The following ANP32A variants were observed in gnomAD, a reference collection of about 807,000 sequenced individuals.
The protein encoded by ANP32A is acidic nuclear phosphoprotein 32 family member A, also known as acidic leucine-rich nuclear phosphoprotein 32 family member A.
In ANP32A, 1 loss-of-function variant was observed where a neutral mutation model predicts 33.9. That is an observed-to-expected ratio of 0.03 (90% CI 0.01 to 0.14). The LOEUF is 0.14. Among genes scored for constraint, ANP32A ranks in the 10% least tolerant of loss-of-function variants. The pLI is 1.00. For missense variants in ANP32A, 155 were observed against 306.0 expected, an observed-to-expected ratio of 0.51 and a Z score of 3.68; for synonymous variants, 115 against 120.5, an observed-to-expected ratio of 0.95 and a Z score of 0.30.
intron 5 of ANP32A, among the ~76,000 whole-genome samples, chr15:68,781,987 G>A (rs776998241): frequency 3.3e-5 from 5 of 152,210 alleles, no homozygotes; most frequent in African/African-American, 7.2e-5. Flanking sequence ...GAGTGAGTCC[G>A]TGTGGCAAGC....
At chr15:68,800,263 C>T (rs1169953097) in intron 1 of ANP32A, among the ~76,000 whole-genome samples, 1 of 152,078 alleles carries the variant, frequency 6.6e-6, no homozygotes, top group Non-Finnish European at 1.5e-5. Flanking sequence ...TACAATCATT[C>T]AACAGTCCGT....
rs146410362 is a variant in ANP32A at position 68,800,173 on chromosome 15, T to C, written c.55-12254A>G. ...TATGATAAAGCCCTGCAAAGAGAGCTCTGAGTCTTTTCCCCTCTTAAAATG... is the reference window on the plus strand; with the variant it reads ...TATGATAAAGCCCTGCAAAGAGAGCCCTGAGTCTTTTCCCCTCTTAAAATG... On this transcript the variant is annotated intron_variant, in intron 1 of 6. Transcript: ENST00000465139. Among the ~76,000 whole-genome samples the C allele has an allele frequency of 1.5e-4, 23 of 152,290 alleles. 1 individual carries two copies. In the East Asian group the frequency reaches 4.3e-3, roughly 28 times the overall value.
Position 68,780,111 on chromosome 15 carries a change from T to C in ANP32A, c.720A>G (p.Glu240=), listed in dbSNP as rs999142650. Residue 240 remains glutamate, a synonymous_variant, in exon 7 of 7, where the codon GAA becomes GAG. Coordinates refer to ENST00000465139, the MANE Select transcript of ANP32A (RefSeq NM_006305.4). This position sits in a 1 kb window ranked among gnomAD's most constrained non-coding sequence, Gnocchi z 4.3. ...CATCATCTTCTCCCTCATCTTCAGGTTCTCGTTTTCGCTTCTGACCCCTTT... is the reference window on the plus strand; with the variant it reads ...CATCATCTTCTCCCTCATCTTCAGGCTCTCGTTTTCGCTTCTGACCCCTTT... The part of the protein sequence containing the change: ...EEERGQKRKR[E]PEDEGEDDD 1.2e-6 allele frequency: 2 copies of C among 1,613,682 alleles called. No homozygotes were observed. The highest frequency in any genetic ancestry group is 1.3e-5 in the African/African-American group (1 of 74,986).
intron 1 of ANP32A, among the ~76,000 whole-genome samples, chr15:68,808,304 C>T (rs1048866752): frequency 6.6e-6 from 1 of 152,156 alleles, no homozygotes; most frequent in Non-Finnish European, 1.5e-5. Flanking sequence ...TTCAGATGCT[C>T]CCCTGGCAGT....
At chr15:68,797,458 C>T (rs1894077838) in intron 1 of ANP32A, among the ~76,000 whole-genome samples, 1 of 152,146 alleles carries the variant, frequency 6.6e-6, no homozygotes, top group Admixed American at 6.5e-5. Flanking sequence ...GAGGGTAAAT[C>T]CTGCTCAATC....
At chr15:68,796,075 C>A (rs1894060307) in intron 1 of ANP32A, among the ~76,000 whole-genome samples, 1 of 152,144 alleles carries the variant, frequency 6.6e-6, no homozygotes, top group African/African-American at 2.4e-5. Context: ...CAGTGAAAAT[C>A]TTACAGACTC....
intron 1 of ANP32A, among the ~76,000 whole-genome samples, chr15:68,788,654 A>G (rs1190332127): frequency 1.3e-5 from 2 of 152,220 alleles, no homozygotes; most frequent in African/African-American, 4.8e-5. Context: ...TTAAGTGTAA[A>G]CAGACACAGG....
chr15:68,785,270 C>T (rs1301322315), intron 3 of ANP32A, among the ~76,000 whole-genome samples: 1 of 152,138 alleles, frequency 6.6e-6, no homozygotes, highest in African/African-American at 2.4e-5. Context: ...GTATTTGACA[C>T]GATGTGCTCT....
At chr15:68,787,381 C>A in intron 3 of ANP32A, 32 bp downstream of exon 3, 1 of 1,614,028 alleles carries the variant, frequency 6.2e-7, no homozygotes, top group Non-Finnish European at 8.5e-7. Context: ...ACCTCCTACC[C>A]CTGCAGGGAG....
intron 1 of ANP32A, among the ~76,000 whole-genome samples, chr15:68,809,255 T>C (rs1332842503): frequency 6.6e-6 from 1 of 152,186 alleles, no homozygotes; most frequent in Non-Finnish European, 1.5e-5. Flanking sequence ...AGACTGTGAA[T>C]GTCCCCTACC....
At chr15:68,812,383 A>G (rs1371738657) in intron 1 of ANP32A, among the ~76,000 whole-genome samples, 1 of 152,156 alleles carries the variant, frequency 6.6e-6, no homozygotes, top group Non-Finnish European at 1.5e-5. Context: ...GGCTGGGGGA[A>G]CATGGCTGAT....
intron 1 of ANP32A, among the ~76,000 whole-genome samples, chr15:68,811,294 T>C (rs188136536): frequency 6.6e-5 from 10 of 152,160 alleles, no homozygotes; most frequent in Admixed American, 2.0e-4. Flanking sequence ...ATTAGAGTCT[T>C]TGCTTTAAGA....
intron 1 of ANP32A, among the ~76,000 whole-genome samples, chr15:68,794,578 T>C (rs535304483): frequency 1.3e-5 from 2 of 152,356 alleles, no homozygotes; most frequent in Admixed American, 6.5e-5. Flanking sequence ...AGCTTTTAAA[T>C]GGGCCATCCC....
intron 1 of ANP32A, among the ~76,000 whole-genome samples, chr15:68,799,451 A>G (rs1272962870): frequency 1.3e-5 from 2 of 152,230 alleles, no homozygotes; most frequent in African/African-American, 4.8e-5. Flanking sequence ...TGTTGTTCAC[A>G]AGTCTATGGC....
chr15:68,784,529 G>T lies in ANP32A; in HGVS notation c.394C>A (p.Arg132=). The T allele has an allele frequency of 6.2e-7, 1 of 1,614,168 alleles. No homozygotes were observed. Among genetic ancestry groups the T allele is most frequent in the Non-Finnish European group, 8.5e-7 (1 of 1,180,040 alleles). ...GGGAGGAGCTTGAACACATTTTCTC[G>T]GTAGTCGTTCAGGTTGGTTACCTCG... ...NCEVTNLNDY[R]ENVFKLLPQL... is the part of the protein sequence containing the mutation. Residue 132 remains arginine, a synonymous_variant, in exon 4 of 7, where the codon CGA becomes AGA. Transcript: ENST00000465139.
At chr15:68,817,400 A>G (rs1383265293) in intron 1 of ANP32A, 1 of 152,344 alleles carries the variant, frequency 6.6e-6, no homozygotes, top group Admixed American at 6.5e-5. Flanking sequence ...CGGAGAGCCC[A>G]GCCCGGGAGG....
intron 1 of ANP32A, among the ~76,000 whole-genome samples, chr15:68,819,217 C>T (rs1269479147): frequency 6.6e-6 from 1 of 152,136 alleles, no homozygotes; most frequent in Non-Finnish European, 1.5e-5. Flanking sequence ...CTCGGGCCAC[C>T]GAGACTGGGG....
At chr15:68,809,373 C>G (rs73429146) in intron 1 of ANP32A, among the ~76,000 whole-genome samples, 9,510 of 152,200 alleles carry the variant, frequency 0.062, 930 homozygotes, top group African/African-American at 0.21. Context: ...TAAAATAAAA[C>G]GAGCAATTAA....
chr15:68,820,292 G>A (rs965584058), intron 1 of ANP32A, among the ~76,000 whole-genome samples: 1 of 152,134 alleles, frequency 6.6e-6, no homozygotes. Flanking sequence ...AAATCCAGGA[G>A]GCAGCCCCTC....
Sources: gnomAD v4.1 joint callset for allele counts (sites outside exome capture counted in the v4.1 genomes callset) on GRCh38, gnomAD v4.1.1 for gene constraint, Gnocchi (gnomAD v3.1) non-coding constraint, MANE v1.5 for transcripts, NCBI Gene and HGNC (gene_info 2026-07-23, HGNC 2026-07-21) for gene names.